ZNF860: variants seen among roughly 807,000 people sequenced by gnomAD.
The protein encoded by ZNF860 is zinc finger protein 860.
For missense variants in ZNF860, 641 were observed against 759.2 expected (o/e 0.84, Z 1.83); for synonymous variants, 206 against 248.9 (o/e 0.83, Z 1.62).
At chr3:31,993,343 G>A (rs903653147), downstream of ZNF860, among the ~76,000 whole-genome samples, 2 of 151,908 alleles carry the variant, frequency 1.3e-5, no homozygotes, top group African/African-American at 4.8e-5. Flanking sequence ...CCGGTAGCTG[G>A]GATTACAGGC....
chr3:31,986,646 C>T (rs550997039), intron 1 of ZNF860, among the ~76,000 whole-genome samples: 70 of 152,102 alleles, frequency 4.6e-4, no homozygotes, highest in African/African-American at 1.6e-3. Context: ...ATAAAATAGG[C>T]GCCTGGCCTA....
At chr3:31,995,353 C>A (rs72496967), downstream of ZNF860, among the ~76,000 whole-genome samples, 2,472 of 152,248 alleles carry the variant, frequency 0.016, 38 homozygotes, top group Middle Eastern at 0.037. Flanking sequence ...GAATGCAATT[C>A]TTTCCCTAGG....
chr3:32,003,161 C>T, the ZNF860 span, among the ~76,000 whole-genome samples: 6 of 152,192 alleles, frequency 3.9e-5, no homozygotes, highest in Admixed American at 1.3e-4. Context: ...GGCAAATCAA[C>T]GGAATGTCTA....
At chr3:32,005,525 G>T in the ZNF860 span, among the ~76,000 whole-genome samples, 13 of 152,224 alleles carry the variant, frequency 8.5e-5, no homozygotes, top group East Asian at 2.3e-3. Flanking sequence ...ATAAGTATTG[G>T]CATACTGCTC....
chr3:31,990,257 G>T lies in ZNF860; in HGVS notation c.1178G>T (p.Gly393Val). ...CTTATTCACCATCAAGCAATCCATG[G>T]TATAGGGAAACTTTATAAATGTAAT... ...STLIHHQAIHGIGKLYKCNDC... is the reference protein window; with the variant it reads ...STLIHHQAIHVIGKLYKCNDC... The change falls in exon 2 of 2, where the codon GGT becomes GTT. Residue 393 changes from glycine to valine, a missense_variant. By Grantham distance (109) the Gly-to-Val change is moderately radical (BLOSUM62 -3). Transcript: ENST00000360311. The T allele has an allele frequency of 6.2e-7, 1 of 1,613,870 alleles. No homozygotes were observed. The highest frequency in any genetic ancestry group is 8.5e-7 in the Non-Finnish European group (1 of 1,179,928).
At chr3:31,982,650 T>A (rs1273330521) in intron 1 of ZNF860, among the ~76,000 whole-genome samples, 1 of 146,956 alleles carries the variant, frequency 6.8e-6, no homozygotes, top group Non-Finnish European at 1.5e-5. Flanking sequence ...TACATAGTGT[T>A]AAAAAAAAAA....
At chr3:32,005,031 A>G in the ZNF860 span, among the ~76,000 whole-genome samples, 1 of 152,146 alleles carries the variant, frequency 6.6e-6, no homozygotes. Flanking sequence ...CACACCGTAG[A>G]TCTTAATCTG....
chr3:31,989,734 C>G lies in ZNF860; in HGVS notation c.655C>G (p.Leu219Val). 1 of 1,614,142 alleles carries G rather than the reference C, an allele frequency of 6.2e-7. No individual in the cohort carries two copies. Among genetic ancestry groups the G allele is most frequent in the Non-Finnish European group, 8.5e-7 (1 of 1,180,018 alleles). The stretch of plus-strand genomic sequence containing the variant: ...TTTCTTCCATTCATCATTACTCACA[C>G]TAAAACAGGAAGTACACATAAGAGA... ...NNFFHSSLLT[L>V]KQEVHIREKS... The change falls in exon 2 of 2, where the codon CTA becomes GTA. Residue 219 changes from leucine to valine, a missense_variant. Transcript: ENST00000360311.
chr3:32,001,373 A>C, the ZNF860 span, among the ~76,000 whole-genome samples: 1 of 152,196 alleles, frequency 6.6e-6, no homozygotes, highest in Non-Finnish European at 1.5e-5. Context: ...TATCAATAAA[A>C]TAATAATCAT....
the ZNF860 span, among the ~76,000 whole-genome samples, chr3:32,002,993 AAG>A: frequency 6.6e-6 from 1 of 152,168 alleles, no homozygotes; most frequent in African/African-American, 2.4e-5. Flanking sequence ...TAGGTCAGGG[AAG>A]ACTGTCTGCA....
chr3:32,002,822 C>G, the ZNF860 span, among the ~76,000 whole-genome samples: 5 of 131,346 alleles, frequency 3.8e-5, no homozygotes, highest in East Asian at 9.6e-4. Flanking sequence ...AACTTTGAAT[C>G]TGCTTTTATC....
At chr3:31,995,457 C>G (rs1699081685), downstream of ZNF860, among the ~76,000 whole-genome samples, 2 of 152,178 alleles carry the variant, frequency 1.3e-5, no homozygotes, top group Non-Finnish European at 2.9e-5. Context: ...AAATATGGCT[C>G]TTTTTGCCCA....
At position 31,989,454 on chromosome 3, in the gene ZNF860, A is replaced by T; in HGVS notation, c.375A>T (p.Glu125Asp). The change falls in exon 2 of 2, where the codon GAA becomes GAT. Residue 125 changes from glutamate to aspartate, a missense_variant. By Grantham distance (45) the Glu-to-Asp change is conservative (BLOSUM62 2). Transcript: ENST00000360311. ...QWQEDKRNSH[E>D]ATMTQIKKLT... Reference sequence around the variant, plus strand: ...AAGAAGACAAAAGAAATAGCCATGAAGCAACTATGACACAAATCAAAAAGT... The same window carrying T: ...AAGAAGACAAAAGAAATAGCCATGATGCAACTATGACACAAATCAAAAAGT... 1 of 1,614,240 alleles carries T rather than the reference A, an allele frequency of 6.2e-7. No individual in the cohort carries two copies. The highest frequency in any genetic ancestry group is 1.1e-5 in the South Asian group (1 of 91,076).
At chr3:31,982,107 T>C (rs1698862325) in intron 1 of ZNF860, among the ~76,000 whole-genome samples, 1 of 152,136 alleles carries the variant, frequency 6.6e-6, no homozygotes, top group Non-Finnish European at 1.5e-5. Flanking sequence ...TATCCATTGC[T>C]ACCACACTGC....
rs1234357136 is a variant in ZNF860, at chr3:31,989,658, A to G, written c.579A>G (p.Gln193=). 2 of 1,614,032 alleles carry G rather than the reference A, an allele frequency of 1.2e-6. No individual in the cohort carries two copies. The highest frequency in any genetic ancestry group is 2.2e-5 in the East Asian group (1 of 44,888). The change falls in exon 2 of 2, where the codon CAA becomes CAG. Residue 193 remains glutamine (Q), a synonymous_variant. Transcript: ENST00000360311. ...ATGCTTCCTCAGTTCTAACGTCCCA[A>G]AGAATTTCTTCTAGGCCCAAAATCC... The part of the protein sequence containing the change: ...INDASSVLTS[Q]RISSRPKIHI...
chr3:31,988,997 C>CG lies in ZNF860; in HGVS notation c.-81dup. 1 of 1,540,776 alleles carries CG rather than the reference C, an allele frequency of 6.5e-7. No individual in the cohort carries two copies. The highest frequency in any genetic ancestry group is 8.8e-7 in the Non-Finnish European group (1 of 1,133,194). ...ACGAAGTTTGTGATAATTTGTTTCT[C>CG]GGAAACAGATAACTAATACAGAGCA... On this transcript the variant is annotated 5_prime_UTR_variant, in exon 2 of 2. Transcript: ENST00000360311.
chr3:31,995,801 G>A (rs569978244), downstream of ZNF860, among the ~76,000 whole-genome samples: 9 of 152,234 alleles, frequency 5.9e-5, no homozygotes, highest in South Asian at 2.1e-4. Flanking sequence ...CTGACTTCCC[G>A]TGACACCCCA....
chr3:31,982,305 T>C (rs1698866848), intron 1 of ZNF860, among the ~76,000 whole-genome samples: 1 of 152,198 alleles, frequency 6.6e-6, no homozygotes, highest in Admixed American at 6.5e-5. Context: ...CATTGTAATC[T>C]GAAGTATCAA....
At chr3:32,001,832 A>G in the ZNF860 span, among the ~76,000 whole-genome samples, 1 of 151,950 alleles carries the variant, frequency 6.6e-6, no homozygotes, top group Non-Finnish European at 1.5e-5. Flanking sequence ...CAATGGCCCC[A>G]CTCAATTGAA....
Sources: allele counts gnomAD v4.1 joint callset (sites outside exome capture counted in the v4.1 genomes callset), GRCh38; gene constraint gnomAD v4.1.1; transcripts MANE v1.5; gene names NCBI Gene and HGNC (gene_info 2026-07-23, HGNC 2026-07-21).